Variants in IQSEC1 observed in about 807,000 individuals in gnomAD.
IQSEC1 encodes IQ motif and SEC7 domain-containing protein 1.
IQSEC1 carries 31 observed loss-of-function variants against 91.0 expected under a neutral mutation model. That is an observed-to-expected ratio of 0.34 (90% confidence interval 0.26 to 0.46). The LOEUF (loss-of-function observed/expected upper bound fraction) is 0.46. IQSEC1 is among the 20% of genes least tolerant of loss of function. The probability of loss-of-function intolerance (pLI) is 1.00; values close to 1 mark genes in which losing one functional copy is unlikely to be tolerated. For missense variants in IQSEC1, 1,388 were observed against 1,575.6 expected (o/e 0.88, Z 2.02); for synonymous variants, 699 against 662.6 (o/e 1.05, Z -0.84).
In IQSEC1 at chr3:12,913,544, G is replaced by A. The variant is rs1695769758; in HGVS notation, c.2200C>T (p.Leu734=). Residue 734 remains leucine, a synonymous_variant, in exon 9 of 14, where the codon CTG becomes TTG. Coordinates refer to ENST00000613206, the MANE Select transcript of IQSEC1 (RefSeq NM_001134382.3). ...TAGCAGACCAACCGACGGTGGGGCA[G>A]AGAGAGCACCTGTGTGGGAAGAGGC... ...LHPGLGCVLS[L]PHRRLVCYCR... is the part of the protein sequence containing the mutation. 2.5e-6 allele frequency: 4 copies of A among 1,603,928 alleles called. No homozygotes were observed. In the African/African-American group the frequency reaches 4.0e-5, roughly 16 times the overall value.
At chr3:13,186,752 G>C (rs1408440187) in intron 1 of IQSEC1, among the ~76,000 whole-genome samples, 2 of 152,112 alleles carry the variant, frequency 1.3e-5, no homozygotes, top group Non-Finnish European at 2.9e-5. Context: ...GAGGCACAGG[G>C]GCTGGGGCTC....
At chr3:13,203,271 G>A (rs1230961736) in intron 1 of IQSEC1, among the ~76,000 whole-genome samples, 2 of 152,120 alleles carry the variant, frequency 1.3e-5, no homozygotes, top group Non-Finnish European at 2.9e-5. Context: ...CAGACCACAG[G>A]TGCTGCCCCT....
At chr3:12,969,912 C>T (rs1263306296) in intron 1 of IQSEC1, among the ~76,000 whole-genome samples, 1 of 152,154 alleles carries the variant, frequency 6.6e-6, no homozygotes, top group African/African-American at 2.4e-5. Context: ...GCTCCTGCTC[C>T]GCTAACTGCC....
intron 1 of IQSEC1, among the ~76,000 whole-genome samples, chr3:13,166,144 C>T (rs1693490790): frequency 6.6e-6 from 1 of 152,262 alleles, no homozygotes; most frequent in Non-Finnish European, 1.5e-5. Flanking sequence ...GGACAGAACA[C>T]AAGACCATCA....
intron 1 of IQSEC1, among the ~76,000 whole-genome samples, chr3:13,244,056 GA>G (rs143347257): frequency 0.075 from 11,496 of 152,330 alleles, 520 homozygotes; most frequent in African/African-American, 0.12. Context: ...ATTTCAGGCA[GA>G]GGGGTGGCCT....
chr3:13,075,981 A>G (rs1705555933), upstream of IQSEC1, among the ~76,000 whole-genome samples: 1 of 152,156 alleles, frequency 6.6e-6, no homozygotes, highest in African/African-American at 2.4e-5. Flanking sequence ...ATCCAATCTC[A>G]GGGCAGATTT....
chr3:13,047,506 C>T, intron 1 of IQSEC1: 2 of 985,278 alleles, frequency 2.0e-6, no homozygotes, highest in Non-Finnish European at 2.4e-6. Context: ...AGGCTGCTTC[C>T]GGTGTCCAGG....
chr3:13,282,862 G>A lies in IQSEC1; in HGVS notation c.121C>T (p.Arg41Cys), dbSNP rs1398676561. ...TCCCGGCTCAGCCGCGCCACTTGGCGCTCCAGCTCCTCGATGCGCCGTCGC... is the reference window on the plus strand; with the variant it reads ...TCCCGGCTCAGCCGCGCCACTTGGCACTCCAGCTCCTCGATGCGCCGTCGC... The change falls in exon 1 of 16, where the codon CGC becomes TGC. Residue 41 changes from arginine (R) to cysteine (C), a missense_variant. Arg to Cys is a radical substitution (Grantham distance 180). Transcript: ENST00000648114. This position sits in a 1 kb window ranked among gnomAD's most constrained non-coding sequence, Gnocchi z 6.4. 1.4e-5 allele frequency among the ~76,000 whole-genome samples: 2 copies of A among 147,776 alleles called. No individual in the cohort carries two copies. Among genetic ancestry groups the A allele is most frequent in the Non-Finnish European group, 3.0e-5 (2 of 66,318 alleles).
At chr3:13,283,108 G>A (rs1298668853) in exon 1 of IQSEC1, among the ~76,000 whole-genome samples, 1 of 143,996 alleles carries the variant, frequency 6.9e-6, no homozygotes, top group Non-Finnish European at 1.5e-5. Context: ...CCCCGCCTCG[G>A]CTCCCGCCTC....
chr3:13,091,034 CACA>C (rs2125139611), intron 2 of IQSEC1, among the ~76,000 whole-genome samples: 1 of 152,286 alleles, frequency 6.6e-6, no homozygotes, highest in South Asian at 2.1e-4. Context: ...CCTCACCGCC[CACA>C]CTCCTCTGCC....
chr3:13,137,576 G>A (rs879146781), intron 2 of IQSEC1, among the ~76,000 whole-genome samples: 4 of 152,180 alleles, frequency 2.6e-5, no homozygotes, highest in Non-Finnish European at 2.9e-5. Flanking sequence ...AGAAGAAGTC[G>A]CAAACACACG....
intron 1 of IQSEC1, among the ~76,000 whole-genome samples, chr3:13,177,408 G>C (rs1286693457): frequency 6.6e-6 from 1 of 152,190 alleles, no homozygotes; most frequent in Non-Finnish European, 1.5e-5. Flanking sequence ...CAACTGCCCA[G>C]AAAAGGGACA....
intron 1 of IQSEC1, among the ~76,000 whole-genome samples, chr3:13,046,693 G>A (rs192292304): frequency 6.6e-5 from 10 of 151,992 alleles, no homozygotes; most frequent in Admixed American, 6.5e-4. Context: ...CCCTCCACAG[G>A]TCCTTACACA....
intron 2 of IQSEC1, among the ~76,000 whole-genome samples, chr3:13,140,682 C>T (rs558938354): frequency 6.6e-6 from 1 of 152,282 alleles, no homozygotes; most frequent in South Asian, 2.1e-4. Flanking sequence ...CATGCGCGCC[C>T]CAGCACAGGG....
At chr3:13,149,819 A>G (rs1706961718) in intron 2 of IQSEC1, among the ~76,000 whole-genome samples, 1 of 152,216 alleles carries the variant, frequency 6.6e-6, no homozygotes. Flanking sequence ...TGCAGATACC[A>G]CAGAGGGACC....
intron 1 of IQSEC1, among the ~76,000 whole-genome samples, chr3:13,021,392 G>A (rs894889032): frequency 6.6e-6 from 1 of 152,314 alleles, no homozygotes; most frequent in Non-Finnish European, 1.5e-5. Flanking sequence ...TGGGGAGAAA[G>A]CTCAACGGCA....
At chr3:13,064,178 C>A (rs752656080) in intron 1 of IQSEC1, among the ~76,000 whole-genome samples, 2 of 152,112 alleles carry the variant, frequency 1.3e-5, no homozygotes, top group African/African-American at 4.8e-5. Flanking sequence ...ATACATGATA[C>A]GCCTGCATAG....
intron 4 of IQSEC1, among the ~76,000 whole-genome samples, chr3:12,923,942 CG>C (rs1468673835): frequency 6.6e-6 from 1 of 152,196 alleles, no homozygotes; most frequent in Non-Finnish European, 1.5e-5. Flanking sequence ...TTCAAGTAGC[CG>C]GGAGTGCTAT....
In IQSEC1 at chr3:12,915,199, G is replaced by C. The variant is rs1695961850; in HGVS notation, c.2161-66C>G. 2.0e-6 allele frequency: 3 copies of C among 1,519,156 alleles called. No homozygotes were observed. In the African/African-American group the frequency reaches 4.1e-5, roughly 21 times the overall value. The allele number at this position is 1,519,156 out of a possible 1,614,324, so 94.1% of individuals were successfully genotyped here. A position where few individuals can be genotyped will look rare whatever the true frequency, so the allele number is the denominator to read the frequency against. On this transcript the variant is annotated intron_variant, in intron 7 of 13. Transcript: ENST00000613206. ...TCAAAGCCACGCCCAGGCCAATGCT[G>C]CAAGTGCCCCTCCCTACACCTACCC...
Sources: gnomAD v4.1 joint callset for allele counts (sites outside exome capture counted in the v4.1 genomes callset) on GRCh38, gnomAD v4.1.1 for gene constraint, Gnocchi (gnomAD v3.1) non-coding constraint, MANE v1.5 for transcripts, NCBI Gene and HGNC (gene_info 2026-07-23, HGNC 2026-07-21) for gene names.